The following STK32C variants were observed in gnomAD, a reference collection of about 807,000 sequenced individuals.
STK32C encodes serine/threonine-protein kinase 32C.
In STK32C, 31 loss-of-function variants were observed where a neutral mutation model predicts 56.5. That is an observed-to-expected ratio of 0.55 (90% CI 0.41 to 0.74). STK32C has a LOEUF of 0.74. Among genes scored for constraint, STK32C ranks in the 30% least tolerant of loss-of-function variants. The probability of loss-of-function intolerance (pLI) is 0.00; values close to 1 mark genes in which losing one functional copy is unlikely to be tolerated. For missense variants in STK32C, 544 were observed against 676.9 expected, an observed-to-expected ratio of 0.80 and a Z score of 2.18; for synonymous variants, 309 against 289.4, an observed-to-expected ratio of 1.07 and a Z score of -0.69.
At position 132,232,983 on chromosome 10, in the gene STK32C, C is replaced by A. The variant is rs140008691; in HGVS notation, c.319-4855G>T. ...AATTTTTGTTCCCCAGAAGCAAATGCCTGACCACAAGTACCTAAGGCCTCT... is the reference window on the plus strand; with the variant it reads ...AATTTTTGTTCCCCAGAAGCAAATGACTGACCACAAGTACCTAAGGCCTCT... On this transcript the variant is annotated intron_variant, in intron 2 of 11. Coordinates refer to ENST00000298630, the MANE Select transcript of STK32C (RefSeq NM_173575.4). 3.2e-3 allele frequency among the ~76,000 whole-genome samples: 494 copies of A among 152,310 alleles called. 2 individuals carry two copies. Among genetic ancestry groups the A allele is most frequent in the African/African-American group, 0.011 (468 of 41,564 alleles).
chr10:132,249,139 C>T lies in STK32C; in HGVS notation c.263-3184G>A, dbSNP rs930008541. On this transcript the variant is annotated intron_variant, in intron 1 of 11. Coordinates refer to ENST00000298630, the MANE Select transcript of STK32C (RefSeq NM_173575.4). ...CCGGGGCGGGGCTGTGGCGTCAGGG[C>T]GTGCAGGGGGCGGGGCGTGCAGGGG... is the stretch of plus-strand genomic sequence containing the variant. 2.5e-5 allele frequency: 8 copies of T among 323,362 alleles called. No homozygotes were observed. The East Asian group carries it at 5.0e-4, about 20-fold the overall frequency. 20.0% of individuals were successfully genotyped at this position (323,362 alleles called of 1,614,324 possible).
At chr10:132,253,963 T>C (rs1236151137) in intron 1 of STK32C, among the ~76,000 whole-genome samples, 1 of 152,112 alleles carries the variant, frequency 6.6e-6, no homozygotes. Context: ...GCACTTCCAA[T>C]AACAAACCAT....
chr10:132,256,135 C>A (rs945883548), intron 1 of STK32C, among the ~76,000 whole-genome samples: 1 of 152,228 alleles, frequency 6.6e-6, no homozygotes, highest in Non-Finnish European at 1.5e-5. Flanking sequence ...ATGCCCTCAC[C>A]CTGTCTTTTC....
upstream of STK32C, among the ~76,000 whole-genome samples, chr10:132,311,836 G>T (rs1044429090): frequency 6.6e-6 from 1 of 152,174 alleles, no homozygotes; most frequent in Non-Finnish European, 1.5e-5. The surrounding 1 kb of genome is among the most constrained non-coding windows in gnomAD (Gnocchi z 4.4). Context: ...AGTTACATCT[G>T]CAAAGATCCT....
chr10:132,279,299 G>C (rs1263981869), intron 1 of STK32C, among the ~76,000 whole-genome samples: 3 of 152,130 alleles, frequency 2.0e-5, no homozygotes, highest in Non-Finnish European at 4.4e-5. Flanking sequence ...GCCATAACAC[G>C]GACTCTCGTG....
In STK32C at chr10:132,222,792, G is replaced by A. The variant is rs374673569; in HGVS notation, c.1120-20C>T. 2.4e-5 allele frequency: 38 copies of A among 1,594,142 alleles called. No homozygotes were observed. The highest frequency in any genetic ancestry group is 3.0e-5 in the Non-Finnish European group (35 of 1,170,786). Reference sequence around the variant, plus strand: ...GCCTTTCTACAGAGGGATGGGTGCTGAGCCCCGGCCCGTGGAGGACGCCAC... The same window carrying A: ...GCCTTTCTACAGAGGGATGGGTGCTAAGCCCCGGCCCGTGGAGGACGCCAC... On this transcript the variant is annotated intron_variant, in intron 9 of 11. Transcript: ENST00000298630.
At chr10:132,297,769 G>T (rs2065798474) in intron 1 of STK32C, among the ~76,000 whole-genome samples, 1 of 152,174 alleles carries the variant, frequency 6.6e-6, no homozygotes, top group Non-Finnish European at 1.5e-5. Flanking sequence ...CCCCGGCGAA[G>T]CCCCCGTAGT....
At chr10:132,288,102 AAGGGTAGTCATTTC>A (rs1213703766) in intron 1 of STK32C, among the ~76,000 whole-genome samples, 2 of 152,176 alleles carry the variant, frequency 1.3e-5, no homozygotes, top group Non-Finnish European at 2.9e-5. Flanking sequence ...ACAATGAGGA[AAGGGTAGTCATTTC>A]AGCAAATAGT....
exon 1 of STK32C, chr10:132,331,488 A>G (rs2066736111): frequency 1.2e-6 from 2 of 1,612,656 alleles, no homozygotes; most frequent in Middle Eastern, 1.6e-4. Flanking sequence ...TTACTTCTCC[A>G]AAGAGGACGC....
At position 132,285,740 on chromosome 10, in the gene STK32C, T is replaced by C. The variant is rs138760600; in HGVS notation, c.262+21832A>G. ...ACTAACCAACAGACATAGCGATAGA[T>C]TGCATCATTCCCCTCTATTATAGAC... On this transcript the variant is annotated intron_variant, in intron 1 of 11. Coordinates refer to ENST00000298630, the MANE Select transcript of STK32C (RefSeq NM_173575.4). 6.6e-3 allele frequency among the ~76,000 whole-genome samples: 1,002 copies of C among 152,296 alleles called. 14 individuals carry two copies. Among genetic ancestry groups the C allele is most frequent in the African/African-American group, 0.022 (904 of 41,544 alleles).
chr10:132,327,385 T>C (rs1444837881), intron 1 of STK32C, among the ~76,000 whole-genome samples: 1 of 152,196 alleles, frequency 6.6e-6, no homozygotes, highest in African/African-American at 2.4e-5. Context: ...GTCTTGGGTA[T>C]GTCCTTATCA....
chr10:132,288,174 A>T (rs1002892606), intron 1 of STK32C, among the ~76,000 whole-genome samples: 16 of 152,278 alleles, frequency 1.1e-4, no homozygotes, highest in African/African-American at 3.4e-4. Context: ...AGAGTGAGGG[A>T]GGGAAGAAGA....
intron 1 of STK32C, among the ~76,000 whole-genome samples, chr10:132,246,282 C>T (rs989618154): frequency 4.6e-5 from 7 of 152,366 alleles, no homozygotes; most frequent in African/African-American, 1.7e-4. Context: ...TCTTCCCAGG[C>T]ACCAGCCACC....
intron 1 of STK32C, among the ~76,000 whole-genome samples, chr10:132,289,010 G>T (rs1590403677): frequency 2.6e-5 from 4 of 152,084 alleles, no homozygotes; most frequent in African/African-American, 9.7e-5. Flanking sequence ...AAACAATTTT[G>T]GGAAATGAAC....
intron 1 of STK32C, among the ~76,000 whole-genome samples, chr10:132,271,132 G>A (rs1415399875): frequency 6.6e-6 from 1 of 152,152 alleles, no homozygotes; most frequent in Admixed American, 6.5e-5. Flanking sequence ...TACAGGGGGT[G>A]AGGAGTGTCC....
chr10:132,283,230 C>A (rs1196074062), intron 1 of STK32C, among the ~76,000 whole-genome samples: 1 of 152,230 alleles, frequency 6.6e-6, no homozygotes, highest in East Asian at 1.9e-4. Context: ...CTGAAGACAC[C>A]CCAGCAAAAC....
intron 10 of STK32C, among the ~76,000 whole-genome samples, chr10:132,213,547 C>A (rs964684058): frequency 6.6e-6 from 1 of 152,258 alleles, no homozygotes; most frequent in Admixed American, 6.5e-5. Context: ...AAACCTCACA[C>A]TAAAGGCCCA....
chr10:132,225,719 T>C, intron 5 of STK32C, 28 bp downstream of exon 5: 1 of 1,613,920 alleles, frequency 6.2e-7, no homozygotes, highest in Non-Finnish European at 8.5e-7. Flanking sequence ...ACCACCCACC[T>C]GGGCTGCCCA....
intron 2 of STK32C, among the ~76,000 whole-genome samples, chr10:132,230,666 G>T (rs1185760845): frequency 1.3e-5 from 2 of 148,502 alleles, no homozygotes; most frequent in African/African-American, 2.5e-5. Flanking sequence ...CTTGCTGCTG[G>T]GGGGGAAGCT....
Sources: gnomAD v4.1 joint callset for allele counts (sites outside exome capture counted in the v4.1 genomes callset) on GRCh38, gnomAD v4.1.1 for gene constraint, Gnocchi (gnomAD v3.1) non-coding constraint, MANE v1.5 for transcripts, NCBI Gene and HGNC (gene_info 2026-07-23, HGNC 2026-07-21) for gene names.